The following HS3ST4 variants were observed in gnomAD, a reference collection of about 807,000 sequenced individuals.
The protein encoded by HS3ST4 is heparan sulfate glucosamine 3-O-sulfotransferase 4.
In HS3ST4, 17 loss-of-function variants were observed where a neutral mutation model predicts 29.2. The ratio of observed to expected loss-of-function variants is 0.58; its 90% confidence interval spans 0.40 to 0.87. The LOEUF (loss-of-function observed/expected upper bound fraction) is 0.87, where lower values mean the gene tolerates loss of function less well. HS3ST4 is among the 40% of genes least tolerant of loss of function. HS3ST4 has a pLI of 0.00. For synonymous variants in HS3ST4, 314 were observed against 285.7 expected, an observed-to-expected ratio of 1.10 and a Z score of -1.00; for missense variants, 627 against 634.5, an observed-to-expected ratio of 0.99 and a Z score of 0.13.
At chr16:26,072,222 A>C (rs965354221) in intron 1 of HS3ST4, among the ~76,000 whole-genome samples, 1 of 152,196 alleles carries the variant, frequency 6.6e-6, no homozygotes, top group African/African-American at 2.4e-5. Context: ...CTCAGAAAAC[A>C]TTTGAATGAA....
At chr16:25,853,988 T>G (rs1282815912) in intron 1 of HS3ST4, among the ~76,000 whole-genome samples, 3 of 152,326 alleles carry the variant, frequency 2.0e-5, no homozygotes, top group Middle Eastern at 3.4e-3. Flanking sequence ...TTATCATTGT[T>G]GAGAGGTATT....
chr16:25,896,833 A>G (rs910811559), intron 1 of HS3ST4, among the ~76,000 whole-genome samples: 1 of 152,212 alleles, frequency 6.6e-6, no homozygotes, highest in Non-Finnish European at 1.5e-5. Flanking sequence ...CAAGAACAAA[A>G]TCATGTCCTT....
At chr16:25,716,501 G>A (rs984636051) in intron 1 of HS3ST4, among the ~76,000 whole-genome samples, 1 of 152,212 alleles carries the variant, frequency 6.6e-6, no homozygotes, top group African/African-American at 2.4e-5. Flanking sequence ...GTGCCAGGTA[G>A]AGAAAGCCGC....
intron 1 of HS3ST4, among the ~76,000 whole-genome samples, chr16:25,832,889 G>A (rs1331120569): frequency 6.6e-6 from 1 of 152,128 alleles, no homozygotes; most frequent in Non-Finnish European, 1.5e-5. Flanking sequence ...AAAAAATAAG[G>A]TACAGAAAAA....
At position 25,964,040 on chromosome 16, in the gene HS3ST4, T is replaced by C. The variant is rs906562172; in HGVS notation, c.735-171572T>C. Among the ~76,000 whole-genome samples, 12 of 152,058 alleles carry C rather than the reference T, an allele frequency of 7.9e-5. No homozygotes were observed. In the East Asian group the frequency reaches 2.3e-3, roughly 29 times the overall value. On this transcript the variant is annotated intron_variant, in intron 1 of 1. Transcript: ENST00000331351. ...ACGTACAAAAATTAGCTGGGCATGG[T>C]GGTGGATGCCTGTAATCCCAGCCAC...
At chr16:25,871,601 G>T (rs1291697944) in intron 1 of HS3ST4, among the ~76,000 whole-genome samples, 2 of 152,110 alleles carry the variant, frequency 1.3e-5, no homozygotes, top group African/African-American at 4.8e-5. Context: ...ACCTTATAAA[G>T]TAGCAACTAT....
At chr16:25,810,797 G>A (rs963250338) in intron 1 of HS3ST4, among the ~76,000 whole-genome samples, 1 of 152,036 alleles carries the variant, frequency 6.6e-6, no homozygotes, top group African/African-American at 2.4e-5. Context: ...GTTTTCCCCC[G>A]GTTGTATAAA....
At chr16:26,003,319 T>G (rs956955294) in intron 1 of HS3ST4, among the ~76,000 whole-genome samples, 4 of 152,224 alleles carry the variant, frequency 2.6e-5, no homozygotes, top group Non-Finnish European at 4.4e-5. Flanking sequence ...GAGGGTTAAT[T>G]GATTTAATTT....
intron 1 of HS3ST4, among the ~76,000 whole-genome samples, chr16:26,128,579 G>C (rs1387193567): frequency 6.6e-6 from 1 of 152,134 alleles, no homozygotes; most frequent in African/African-American, 2.4e-5. Context: ...TCTCCAAATG[G>C]TTTGACTTTT....
intron 1 of HS3ST4, among the ~76,000 whole-genome samples, chr16:26,111,442 G>A (rs2141803504): frequency 6.7e-6 from 1 of 149,766 alleles, no homozygotes; most frequent in Non-Finnish European, 1.5e-5. Context: ...TCAGGCCACT[G>A]CTGGAGACAT....
At chr16:25,783,807 A>G (rs1966854825) in intron 1 of HS3ST4, among the ~76,000 whole-genome samples, 1 of 152,226 alleles carries the variant, frequency 6.6e-6, no homozygotes, top group African/African-American at 2.4e-5. Flanking sequence ...AGAGATTTCA[A>G]AATACTTGGG....
At chr16:25,968,260 G>A (rs753114219) in intron 1 of HS3ST4, among the ~76,000 whole-genome samples, 5 of 152,164 alleles carry the variant, frequency 3.3e-5, no homozygotes, top group Middle Eastern at 6.3e-3. Context: ...CAGCAAATGT[G>A]GCTGCAGGTG....
intron 1 of HS3ST4, among the ~76,000 whole-genome samples, chr16:26,108,936 C>T (rs1020895678): frequency 2.6e-5 from 4 of 152,050 alleles, no homozygotes; most frequent in Non-Finnish European, 4.4e-5. Context: ...GGCCTGGAAG[C>T]ACTAAGAGGA....
Position 25,777,412 on chromosome 16 carries a change from AGTGTGTGTGTGTGT to A in HS3ST4, c.734+84283_734+84296del, listed in dbSNP as rs56191219. ...GGAGATACAGCAGAAAGCACACCAA[AGTGTGTGTGTGTGT>A]GTGTGTGTGTGTGTGTGTGTGCACG... is the stretch of plus-strand genomic sequence containing the variant. On this transcript the variant is annotated intron_variant, in intron 1 of 1. Coordinates refer to ENST00000331351, the MANE Select transcript of HS3ST4 (RefSeq NM_006040.3). Among the ~76,000 whole-genome samples the A allele has an allele frequency of 1.0e-4, 15 of 147,986 alleles. No individual in the cohort carries two copies. In the East Asian group the frequency reaches 2.2e-3, roughly 22 times the overall value.
chr16:25,842,513 A>G (rs1967426087), intron 1 of HS3ST4, among the ~76,000 whole-genome samples: 1 of 152,164 alleles, frequency 6.6e-6, no homozygotes, highest in Non-Finnish European at 1.5e-5. Context: ...TGCCTTTTTC[A>G]TCTTTTTCTT....
chr16:25,810,469 TC>T, intron 1 of HS3ST4, among the ~76,000 whole-genome samples: 1 of 152,334 alleles, frequency 6.6e-6, no homozygotes, highest in South Asian at 2.1e-4. Context: ...GCCAGCGAGA[TC>T]CTGTGGGCTG....
intron 1 of HS3ST4, among the ~76,000 whole-genome samples, chr16:25,787,007 T>A (rs1386161493): frequency 6.6e-6 from 1 of 152,196 alleles, no homozygotes; most frequent in Non-Finnish European, 1.5e-5. Context: ...ACTTGCTAAA[T>A]TAAAAGCAAT....
intron 1 of HS3ST4, among the ~76,000 whole-genome samples, chr16:25,861,402 T>G (rs930553469): frequency 6.6e-6 from 1 of 152,228 alleles, no homozygotes; most frequent in Non-Finnish European, 1.5e-5. Context: ...TTACACTAAT[T>G]AGAGCCAATC....
intron 1 of HS3ST4, among the ~76,000 whole-genome samples, chr16:25,986,889 C>T (rs1969069659): frequency 6.6e-6 from 1 of 152,230 alleles, no homozygotes; most frequent in African/African-American, 2.4e-5. Flanking sequence ...CACTGCGCTA[C>T]ATCTCAGGCT....
Sources: gnomAD v4.1 joint callset for allele counts (sites outside exome capture counted in the v4.1 genomes callset) on GRCh38, gnomAD v4.1.1 for gene constraint, MANE v1.5 for transcripts, NCBI Gene and HGNC (gene_info 2026-07-23, HGNC 2026-07-21) for gene names.